Variants in LY96 observed in about 807,000 individuals in gnomAD.
LY96 encodes the protein myeloid differentiation protein-2.
LY96 carries 18 observed loss-of-function variants against 18.9 expected under a neutral mutation model. The observed-to-expected ratio is 0.95, with a 90% confidence interval of 0.66 to 1.41. LY96 has a LOEUF of 1.41. LY96 is among the 40% of genes most tolerant of loss of function. The probability of loss-of-function intolerance (pLI) is 0.00; values close to 1 mark genes in which losing one functional copy is unlikely to be tolerated. For missense variants in LY96, 175 were observed against 182.4 expected (o/e 0.96, Z 0.23); for synonymous variants, 66 against 62.6 (o/e 1.06, Z -0.26).
chr8:74,068,081 A>ATATATATATAT, the LY96 span, among the ~76,000 whole-genome samples: 5 of 95,374 alleles, frequency 5.2e-5, no homozygotes, highest in African/African-American at 2.8e-4. Context: ...AAAAAAAAAA[A>ATATATATATAT]AAAAAAAAAT....
the LY96 span, among the ~76,000 whole-genome samples, chr8:74,044,511 C>A: frequency 6.6e-6 from 1 of 151,900 alleles, no homozygotes; most frequent in Non-Finnish European, 1.5e-5. Context: ...TATGTTCTTA[C>A]AGCTTAGCCA....
At chr8:74,094,059 G>A in the LY96 span, among the ~76,000 whole-genome samples, 1 of 151,982 alleles carries the variant, frequency 6.6e-6, no homozygotes, top group Admixed American at 6.6e-5. Context: ...CACAGTTTGG[G>A]GAGTAGTCCA....
chr8:74,077,144 T>C, the LY96 span, among the ~76,000 whole-genome samples: 1 of 152,134 alleles, frequency 6.6e-6, no homozygotes, highest in Non-Finnish European at 1.5e-5. Flanking sequence ...GCTCTTCTCT[T>C]CTCTCTCTGG....
chr8:74,060,967 G>C, the LY96 span, among the ~76,000 whole-genome samples: 1 of 152,170 alleles, frequency 6.6e-6, no homozygotes. Context: ...AAAATGTTGA[G>C]CATTTCTATA....
chr8:74,096,623 T>C, the LY96 span, among the ~76,000 whole-genome samples: 9 of 152,352 alleles, frequency 5.9e-5, no homozygotes, highest in Admixed American at 3.9e-4. Flanking sequence ...TAAGATATTA[T>C]ATAATATGCT....
chr8:74,071,547 C>T, the LY96 span, among the ~76,000 whole-genome samples: 1 of 152,040 alleles, frequency 6.6e-6, no homozygotes, highest in Non-Finnish European at 1.5e-5. Context: ...ATAGTAATAT[C>T]ACAAATACTG....
chr8:74,089,940 G>A, the LY96 span, among the ~76,000 whole-genome samples: 1 of 152,052 alleles, frequency 6.6e-6, no homozygotes, highest in African/African-American at 2.4e-5. Flanking sequence ...GAGTGGGGAG[G>A]ACAGGATGGT....
intron 3 of LY96, among the ~76,000 whole-genome samples, chr8:74,011,113 G>T (rs371469700): frequency 2.0e-5 from 3 of 151,980 alleles, no homozygotes; most frequent in East Asian, 3.9e-4. Flanking sequence ...TTACGTTCTG[G>T]TTATCTGAAG....
At chr8:74,037,668 A>G in the LY96 span, among the ~76,000 whole-genome samples, 1 of 152,142 alleles carries the variant, frequency 6.6e-6, no homozygotes, top group South Asian at 2.1e-4. Context: ...AAAAATTAAA[A>G]AAATAATAAC....
At chr8:73,993,630 A>T (rs1816058060) in intron 1 of LY96, among the ~76,000 whole-genome samples, 1 of 152,212 alleles carries the variant, frequency 6.6e-6, no homozygotes, top group African/African-American at 2.4e-5. Context: ...TTTAGTAGAG[A>T]CAGGGTTTTG....
intron 3 of LY96, among the ~76,000 whole-genome samples, chr8:74,013,157 ACT>A (rs1187173636): frequency 6.6e-6 from 1 of 151,294 alleles, no homozygotes; most frequent in Non-Finnish European, 1.5e-5. Context: ...TCAGAATCTC[ACT>A]CTGTCACCCA....
rs1563710943 is a variant in LY96 at position 74,002,093 on chromosome 8, T to TTCTTTCTCTCTCTC, written c.113-2700_113-2699insTTCTCTCTCTCTCT. On this transcript the variant is annotated intron_variant, in intron 1 of 4. Coordinates refer to ENST00000284818, the MANE Select transcript of LY96 (RefSeq NM_015364.5). Reference sequence around the variant, plus strand: ...TTCCTTCCTTTCTTTCTTTCTTTCTTTCTCTCTCTCTCTCTCTCTCTCTCT... The same window carrying TTCTTTCTCTCTCTC: ...TTCCTTCCTTTCTTTCTTTCTTTCTTTCTTTCTCTCTCTCTCTCTCTCTCTCTCTCTCTCTCTCT... Among the ~76,000 whole-genome samples the TTCTTTCTCTCTCTC allele has an allele frequency of 2.1e-4, 8 of 38,726 alleles. 1 individual carries two copies. Among genetic ancestry groups the TTCTTTCTCTCTCTC allele is most frequent in the African/African-American group, 7.7e-4 (5 of 6,456 alleles). 25.4% of individuals were successfully genotyped at this position (38,726 alleles called of 152,430 possible).
chr8:74,008,273 C>T (rs971029260), intron 2 of LY96, among the ~76,000 whole-genome samples: 7 of 152,154 alleles, frequency 4.6e-5, no homozygotes, highest in Non-Finnish European at 7.3e-5. Context: ...CTGTGTTTCA[C>T]GAAGAAATGG....
chr8:74,029,147 A>G (rs1816927907), downstream of LY96: 1 of 730,498 alleles, frequency 1.4e-6, no homozygotes, highest in Admixed American at 2.2e-5. Context: ...TAGGATAGGA[A>G]GACACAGAAA....
the LY96 span, among the ~76,000 whole-genome samples, chr8:74,086,292 A>G: frequency 1.3e-5 from 2 of 152,146 alleles, no homozygotes; most frequent in Non-Finnish European, 2.9e-5. Flanking sequence ...CTTTCTCTAC[A>G]AACTATAGGG....
the LY96 span, among the ~76,000 whole-genome samples, chr8:74,076,472 C>T: frequency 6.6e-6 from 1 of 151,950 alleles, no homozygotes; most frequent in Non-Finnish European, 1.5e-5. Context: ...TACAGGCTTG[C>T]ACCATCATAC....
the LY96 span, among the ~76,000 whole-genome samples, chr8:74,037,834 C>T: frequency 8.5e-5 from 13 of 152,108 alleles, no homozygotes; most frequent in Non-Finnish European, 1.6e-4. Context: ...TTGTCTGCTT[C>T]ATCTCATAAG....
intron 2 of LY96, among the ~76,000 whole-genome samples, chr8:74,008,462 G>T (rs934553933): frequency 1.3e-5 from 2 of 152,172 alleles, no homozygotes; most frequent in African/African-American, 4.8e-5. Context: ...TGAAACAGAC[G>T]CCATGATATT....
the LY96 span, among the ~76,000 whole-genome samples, chr8:74,053,403 C>T: frequency 6.6e-6 from 1 of 152,296 alleles, no homozygotes; most frequent in African/African-American, 2.4e-5. Context: ...TGCATTGAAG[C>T]CCTGCCTTCT....
Sources: gnomAD v4.1 joint callset for allele counts (sites outside exome capture counted in the v4.1 genomes callset) on GRCh38, gnomAD v4.1.1 for gene constraint, MANE v1.5 for transcripts, NCBI Gene and HGNC (gene_info 2026-07-23, HGNC 2026-07-21) for gene names.